The following TAFA2 variants were observed in gnomAD, a reference collection of about 807,000 sequenced individuals.
The protein encoded by TAFA2 is chemokine-like protein TAFA-2.
TAFA2 carries 7 observed loss-of-function variants against 18.8 expected under a neutral mutation model. That is an observed-to-expected ratio of 0.37 (90% CI 0.21 to 0.70). The LOEUF (loss-of-function observed/expected upper bound fraction) is 0.70, where lower values mean the gene tolerates loss of function less well. TAFA2 is among the 30% of genes least tolerant of loss of function. The pLI is 0.53. For synonymous variants in TAFA2, 60 were observed against 54.2 expected (o/e 1.11, Z -0.47); for missense variants, 122 against 158.1 (o/e 0.77, Z 1.23).
intron 2 of TAFA2, among the ~76,000 whole-genome samples, chr12:61,792,877 TA>T (rs1364136139): frequency 6.6e-6 from 1 of 151,432 alleles, no homozygotes; most frequent in Non-Finnish European, 1.5e-5. Flanking sequence ...AAAAAAATAG[TA>T]AGAATATAGA....
At chr12:61,792,539 T>C (rs558877090) in intron 2 of TAFA2, among the ~76,000 whole-genome samples, 5 of 151,754 alleles carry the variant, frequency 3.3e-5, no homozygotes, top group African/African-American at 1.2e-4. Flanking sequence ...ATTAAAATTT[T>C]TTAAAAGAAA....
At chr12:61,857,739 C>A (rs1490612624) in intron 2 of TAFA2, among the ~76,000 whole-genome samples, 2 of 152,096 alleles carry the variant, frequency 1.3e-5, no homozygotes, top group Non-Finnish European at 2.9e-5. Flanking sequence ...GGGTGTCAGA[C>A]CCTCATAGTC....
At chr12:61,726,090 A>C (rs190608507) in intron 4 of TAFA2, among the ~76,000 whole-genome samples, 203 of 150,500 alleles carry the variant, frequency 1.3e-3, no homozygotes, top group African/African-American at 4.6e-3. Flanking sequence ...CTAATCCTCC[A>C]TTTTCTTTAC....
chr12:62,084,837 C>G (rs75395191), intron 1 of TAFA2, among the ~76,000 whole-genome samples: 1 of 152,036 alleles, frequency 6.6e-6, no homozygotes, highest in African/African-American at 2.4e-5. Flanking sequence ...TTCAGACTAG[C>G]GATATCTGGT....
intron 1 of TAFA2, among the ~76,000 whole-genome samples, chr12:62,090,570 A>G (rs1329812336): frequency 2.0e-5 from 3 of 152,022 alleles, no homozygotes; most frequent in Non-Finnish European, 4.4e-5. Flanking sequence ...CAATCAAGAA[A>G]TCGTTGGGGA....
At chr12:62,142,562 A>G (rs1435563475) in intron 1 of TAFA2, among the ~76,000 whole-genome samples, 3 of 152,184 alleles carry the variant, frequency 2.0e-5, no homozygotes, top group Non-Finnish European at 1.5e-5. Context: ...TGACTACCCA[A>G]TATTGGCCAA....
chr12:62,059,137 A>ATGTG (rs779755647), intron 1 of TAFA2, among the ~76,000 whole-genome samples: 13 of 43,514 alleles, frequency 3.0e-4, no homozygotes, highest in Non-Finnish European at 3.5e-4. Context: ...ATATGTGTGT[A>ATGTG]TATGTGTGTG....
intron 1 of TAFA2, among the ~76,000 whole-genome samples, chr12:62,056,389 A>T (rs1882188677): frequency 6.6e-6 from 1 of 152,258 alleles, no homozygotes. Flanking sequence ...GACATTGAAA[A>T]GTTCAACTGA....
At chr12:61,859,948 A>C (rs1183556476) in intron 2 of TAFA2, among the ~76,000 whole-genome samples, 3 of 152,218 alleles carry the variant, frequency 2.0e-5, no homozygotes, top group Non-Finnish European at 4.4e-5. Context: ...GAAACATTTT[A>C]ACATAAAAAA....
intron 1 of TAFA2, among the ~76,000 whole-genome samples, chr12:62,028,807 A>T (rs1368785920): frequency 6.6e-6 from 1 of 152,160 alleles, no homozygotes; most frequent in Non-Finnish European, 1.5e-5. Context: ...AAAAAGAGAC[A>T]TCTGCCATAA....
intron 2 of TAFA2, among the ~76,000 whole-genome samples, chr12:61,801,825 C>A (rs1871409051): frequency 1.3e-5 from 2 of 151,956 alleles, no homozygotes; most frequent in Non-Finnish European, 2.9e-5. Context: ...ATGAGATAAC[C>A]TATAGAATGG....
intron 1 of TAFA2, among the ~76,000 whole-genome samples, chr12:61,897,527 A>G (rs189387570): frequency 2.6e-5 from 4 of 152,312 alleles, no homozygotes; most frequent in Admixed American, 6.5e-5. Context: ...CATGTCTTAC[A>G]TGGCAGCAGG....
At chr12:61,795,444 G>A (rs1392874986) in intron 2 of TAFA2, among the ~76,000 whole-genome samples, 1 of 151,994 alleles carries the variant, frequency 6.6e-6, no homozygotes, top group Admixed American at 6.6e-5. Flanking sequence ...CATGGATGAA[G>A]CTGGAAACCA....
chr12:61,919,375 C>G (rs982743422), intron 1 of TAFA2, among the ~76,000 whole-genome samples: 1 of 152,174 alleles, frequency 6.6e-6, no homozygotes, highest in Admixed American at 6.6e-5. Context: ...ATATGTTACT[C>G]TTTTTGCCTA....
At chr12:62,011,193 G>A (rs1247445737) in intron 1 of TAFA2, among the ~76,000 whole-genome samples, 1 of 152,164 alleles carries the variant, frequency 6.6e-6, no homozygotes, top group East Asian at 1.9e-4. Flanking sequence ...CGTCTGGGAA[G>A]TGAGGAGCAC....
At chr12:61,881,187 A>G (rs899804900) in intron 1 of TAFA2, among the ~76,000 whole-genome samples, 24 of 152,332 alleles carry the variant, frequency 1.6e-4, no homozygotes, top group African/African-American at 5.8e-4. Flanking sequence ...ACATGGCTAG[A>G]AATAAATTTA....
At chr12:61,850,152 C>T (rs77217496) in intron 2 of TAFA2, among the ~76,000 whole-genome samples, 1,619 of 151,650 alleles carry the variant, frequency 0.011, 31 homozygotes, top group African/African-American at 0.038. Context: ...ATATAGTATA[C>T]CTGTGGTATT....
At position 61,922,388 on chromosome 12, in the gene TAFA2, C is replaced by T. The variant is rs1329615036; in HGVS notation, c.-1-54962G>A. Reference sequence around the variant, plus strand: ...AGAAGGTGGGTGATTTCTGCATTTCCAACTGAGGTACCCAGTTCATCTCAT... The same window carrying T: ...AGAAGGTGGGTGATTTCTGCATTTCTAACTGAGGTACCCAGTTCATCTCAT... On this transcript the variant is annotated intron_variant, in intron 1 of 4. Coordinates refer to ENST00000416284, the MANE Select transcript of TAFA2 (RefSeq NM_178539.5). 2.0e-5 allele frequency among the ~76,000 whole-genome samples: 3 copies of T among 152,030 alleles called. No homozygotes were observed. The East Asian group carries it at 5.8e-4, about 29-fold the overall frequency.
chr12:61,724,794 T>TATATACACCAGATGG (rs1255469826), intron 4 of TAFA2, among the ~76,000 whole-genome samples: 69 of 128,914 alleles, frequency 5.4e-4, no homozygotes, highest in Non-Finnish European at 8.7e-4. Flanking sequence ...TGTGTGTGTG[T>TATATACACCAGATGG]GTGTGTGTAT....
Sources: allele counts gnomAD v4.1 joint callset (sites outside exome capture counted in the v4.1 genomes callset), GRCh38; gene constraint gnomAD v4.1.1; transcripts MANE v1.5; gene names NCBI Gene and HGNC (gene_info 2026-07-23, HGNC 2026-07-21).